PTPRG: variants seen among roughly 807,000 people sequenced by gnomAD.
PTPRG encodes the protein protein tyrosine phosphatase receptor type G.
A neutral mutation model predicts 165.3 loss-of-function variants in PTPRG; 102 were observed. The observed-to-expected ratio is 0.62, with a 90% CI of 0.53 to 0.73. PTPRG has a LOEUF of 0.73. PTPRG is among the 30% of genes least tolerant of loss of function. PTPRG has a pLI of 0.00. For missense variants in PTPRG, 1,866 were observed against 1,861.4 expected (o/e 1.00, Z -0.05); for synonymous variants, 675 against 669.5 (o/e 1.01, Z -0.13).
intron 29 of PTPRG, 108 bp from the exon 30 acceptor site, chr3:62,293,053 T>C: frequency 1.1e-6 from 1 of 942,324 alleles, no homozygotes; most frequent in Non-Finnish European, 1.6e-6. Context: ...ATGCTATTGC[T>C]GTTTCTCTAG....
chr3:61,692,018 GA>G (rs1361709320), intron 1 of PTPRG, among the ~76,000 whole-genome samples: 3 of 152,200 alleles, frequency 2.0e-5, no homozygotes, highest in African/African-American at 7.2e-5. Context: ...AGTATTTCAT[GA>G]TACATTTTTT....
At chr3:61,566,645 C>A (rs1275517901) in intron 1 of PTPRG, among the ~76,000 whole-genome samples, 3 of 152,198 alleles carry the variant, frequency 2.0e-5, no homozygotes. Flanking sequence ...GTAGCTGAGT[C>A]TACAGGCACG....
intron 1 of PTPRG, among the ~76,000 whole-genome samples, chr3:61,614,005 A>G (rs757267544): frequency 4.6e-5 from 7 of 152,186 alleles, no homozygotes; most frequent in Non-Finnish European, 8.8e-5. Context: ...TTGGTGAGCT[A>G]CCATCCTCCC....
chr3:61,728,874 CAAAAAA>C (rs3032404), intron 1 of PTPRG, among the ~76,000 whole-genome samples: 1 of 103,016 alleles, frequency 9.7e-6, no homozygotes, highest in African/African-American at 3.5e-5. Flanking sequence ...TAATCTGTAC[CAAAAAA>C]AAAAAAAAAA....
intron 2 of PTPRG, among the ~76,000 whole-genome samples, chr3:61,785,203 T>C (rs565596975): frequency 4.9e-4 from 74 of 152,360 alleles, no homozygotes; most frequent in African/African-American, 1.7e-3. Context: ...ATTTGGTTTT[T>C]AGAATGATGC....
At chr3:62,002,200 A>G (rs1358878668) in intron 3 of PTPRG, among the ~76,000 whole-genome samples, 2 of 152,212 alleles carry the variant, frequency 1.3e-5, no homozygotes, top group African/African-American at 4.8e-5. Flanking sequence ...TAATTGCAGT[A>G]TTCTAGAAAT....
In PTPRG at chr3:62,275,855, A is replaced by C; in HGVS notation, c.3466-18A>C. 1 of 1,569,336 alleles carries C rather than the reference A, an allele frequency of 6.4e-7. No individual in the cohort carries two copies. The highest frequency in any genetic ancestry group is 1.4e-5 in the African/African-American group (1 of 73,572). ...ATTATATCTTTGAATGAAGACTAAA[A>C]TGTTTTTTCTTTTTCAGCTGGTCAC... On this transcript the variant is annotated intron_variant, in intron 23 of 29. Coordinates refer to ENST00000474889, the MANE Select transcript of PTPRG (RefSeq NM_002841.4).
chr3:61,654,395 CT>C (rs1380915465), intron 1 of PTPRG, among the ~76,000 whole-genome samples: 1 of 151,748 alleles, frequency 6.6e-6, no homozygotes, highest in Non-Finnish European at 1.5e-5. Flanking sequence ...TTCTTTCTTT[CT>C]TTTTTTGAGA....
At chr3:61,702,005 G>T (rs2030990553) in intron 1 of PTPRG, among the ~76,000 whole-genome samples, 1 of 151,898 alleles carries the variant, frequency 6.6e-6, no homozygotes, top group Admixed American at 6.6e-5. Flanking sequence ...TTGAGACAGG[G>T]TCTCACTCTG....
intron 2 of PTPRG, among the ~76,000 whole-genome samples, chr3:61,940,496 C>A (rs887803862): frequency 2.0e-4 from 31 of 151,936 alleles, no homozygotes; most frequent in Non-Finnish European, 1.2e-4. Flanking sequence ...TTCACTGATT[C>A]CTCCTTTCTG....
chr3:61,713,279 G>C (rs1383249334), intron 1 of PTPRG, among the ~76,000 whole-genome samples: 1 of 151,226 alleles, frequency 6.6e-6, no homozygotes, highest in East Asian at 1.9e-4. Flanking sequence ...TCCTGCCTCA[G>C]CTTCCTGAGT....
intron 8 of PTPRG, among the ~76,000 whole-genome samples, chr3:62,188,543 T>C (rs1699721584): frequency 6.6e-6 from 1 of 152,254 alleles, no homozygotes; most frequent in South Asian, 2.1e-4. Flanking sequence ...ATTTTTTCTT[T>C]TAACTTTCTT....
chr3:62,078,544 C>T (rs1045257076), intron 5 of PTPRG, among the ~76,000 whole-genome samples: 20 of 152,062 alleles, frequency 1.3e-4, no homozygotes, highest in Admixed American at 8.5e-4. Context: ...GCATTTTGAA[C>T]AGGTTCCTTC....
At chr3:62,081,264 AC>A (rs759219117) in intron 5 of PTPRG, among the ~76,000 whole-genome samples, 9,661 of 135,164 alleles carry the variant, frequency 0.071, 1,161 homozygotes, top group East Asian at 0.2. Context: ...CTCAAAACAA[AC>A]AAACAAACAA....
intron 2 of PTPRG, among the ~76,000 whole-genome samples, chr3:61,898,711 G>T (rs2038425439): frequency 1.3e-5 from 2 of 152,114 alleles, no homozygotes; most frequent in Non-Finnish European, 2.9e-5. Flanking sequence ...GTCTTTAAAT[G>T]GAAAGAACCT....
At chr3:62,044,142 G>A (rs1036722731) in intron 4 of PTPRG, among the ~76,000 whole-genome samples, 1 of 152,210 alleles carries the variant, frequency 6.6e-6, no homozygotes, top group Non-Finnish European at 1.5e-5. Context: ...AGGCTGGAGT[G>A]CAGGAATCTG....
chr3:62,109,674 C>T (rs1280396817), intron 5 of PTPRG, among the ~76,000 whole-genome samples: 2 of 152,150 alleles, frequency 1.3e-5, no homozygotes, highest in Non-Finnish European at 2.9e-5. Flanking sequence ...CTCCTGCTCT[C>T]TTTGTTGCTT....
chr3:62,243,807 A>T lies in PTPRG; in HGVS notation c.2376A>T (p.Arg792Ser). 6.4e-7 allele frequency: 1 copy of T among 1,569,948 alleles called. No individual in the cohort carries two copies. Among genetic ancestry groups the T allele is most frequent in the Non-Finnish European group, 8.7e-7 (1 of 1,144,402 alleles). The change falls in exon 15 of 30, where the codon AGA (arginine) becomes AGT (serine). Residue 792 changes from arginine (R) to serine (S), a missense_variant and splice_region_variant. Coordinates refer to ENST00000474889, the MANE Select transcript of PTPRG (RefSeq NM_002841.4). ...ACATGTTTTTCTCTTTTCTACACAG[A>T]AAATGTTTTCAGACTGCTCATTTCT... ...SSGERGEKGS[R>S]KCFQTAHFYV...
chr3:62,257,180 C>G (rs1701556565), intron 16 of PTPRG, among the ~76,000 whole-genome samples: 3 of 152,040 alleles, frequency 2.0e-5, no homozygotes, highest in Non-Finnish European at 4.4e-5. Flanking sequence ...AAAAGCTCAC[C>G]AATACTACTG....
Sources: gnomAD v4.1 joint callset for allele counts (sites outside exome capture counted in the v4.1 genomes callset) on GRCh38, gnomAD v4.1.1 for gene constraint, MANE v1.5 for transcripts, NCBI Gene and HGNC (gene_info 2026-07-23, HGNC 2026-07-21) for gene names.